Variants in JAKMIP3 observed in about 807,000 individuals in gnomAD.
JAKMIP3 encodes the protein Janus kinase and microtubule interacting protein 3, also known as janus kinase and microtubule-interacting protein 3.
JAKMIP3 carries 58 observed loss-of-function variants against 118.5 expected under a neutral mutation model. That is an observed-to-expected ratio of 0.49 (90% confidence interval 0.40 to 0.61). The LOEUF (loss-of-function observed/expected upper bound fraction) is 0.61, where lower values mean the gene tolerates loss of function less well. Ranked by LOEUF, JAKMIP3 falls within the 20% of genes least tolerant of loss-of-function variation. The pLI, the probability that JAKMIP3 is intolerant of heterozygous loss-of-function variation, is 0.00. For missense variants in JAKMIP3, 950 were observed against 1,109.0 expected (o/e 0.86, Z 2.04); for synonymous variants, 486 against 451.2 (o/e 1.08, Z -0.98).
At chr10:132,097,931 C>CTTTTCT (rs1226577581) in intron 1 of JAKMIP3, among the ~76,000 whole-genome samples, 3 of 67,790 alleles carry the variant, frequency 4.4e-5, no homozygotes, top group Non-Finnish European at 6.5e-5. Flanking sequence ...TTTCCTTCCC[C>CTTTTCT]TTCCCCTTTC....
Position 132,168,408 on chromosome 10 carries a change from C to G in JAKMIP3, c.*478C>G. The G allele has an allele frequency of 1.6e-6, 2 of 1,289,064 alleles. No individual in the cohort carries two copies. Among genetic ancestry groups the G allele is most frequent in the East Asian group, 5.6e-5 (1 of 18,016 alleles). The allele number at this position is 1,289,064 out of a possible 1,614,324, so 79.9% of individuals were successfully genotyped here. On this transcript the variant is annotated 3_prime_UTR_variant, in exon 23 of 24. Coordinates refer to ENST00000684848, the MANE Select transcript of JAKMIP3 (RefSeq NM_001323087.2). ...GCTTGGCCTGATGACAAGATGAAAG[C>G]TGGACGGTGACCTTCATTCAGGGGA...
chr10:132,176,917 C>T (rs1442610895), intron 23 of JAKMIP3, among the ~76,000 whole-genome samples: 1 of 152,172 alleles, frequency 6.6e-6, no homozygotes, highest in Admixed American at 6.5e-5. Flanking sequence ...GAGATGATGC[C>T]AACCTCTTTT....
Position 132,167,986 on chromosome 10 carries a change from G to C in JAKMIP3, c.*56G>C. On this transcript the variant is annotated 3_prime_UTR_variant, in exon 23 of 24. Transcript: ENST00000684848. ...TGAATCGGACCCTTTTCCTCCAGTG[G>C]GACCAGAAAGCAGGGACAAAATGGG... The C allele has an allele frequency of 7.8e-7, 1 of 1,289,564 alleles. No homozygotes were observed. The highest frequency in any genetic ancestry group is 1.0e-6 in the Non-Finnish European group (1 of 988,864). 79.9% of individuals were successfully genotyped at this position (1,289,564 alleles called of 1,614,324 possible).
Position 132,166,110 on chromosome 10 carries a change from G to A in JAKMIP3, c.2491-873G>A, listed in dbSNP as rs190458519. Among the ~76,000 whole-genome samples, 367 of 152,314 alleles carry A rather than the reference G, an allele frequency of 2.4e-3. 2 individuals are homozygous for A. The highest frequency in any genetic ancestry group is 8.5e-3 in the African/African-American group (352 of 41,564). ...AGGCCTAGATGGGAGGATCGCTTGA[G>A]CCCAGGATTTCAAGACCAGCCTGGG... On this transcript the variant is annotated intron_variant, in intron 21 of 23. Transcript: ENST00000684848.
At chr10:132,160,523 G>GGGGGCCTCTCCCTGTGTGATGCTGA (rs2058038425) in intron 19 of JAKMIP3, among the ~76,000 whole-genome samples, 1 of 14,722 alleles carries the variant, frequency 6.8e-5, no homozygotes, top group Non-Finnish European at 1.2e-4. Flanking sequence ...TGTGATGCTG[G>GGGGGCCTCTCCCTGTGTGATGCTGA]GGGGGCCTCT....
rs138844536 is a variant in JAKMIP3, at chr10:132,073,595, C to T, written c.-138+7534C>T. Among the ~76,000 whole-genome samples the T allele has an allele frequency of 9.2e-5, 14 of 151,504 alleles. No homozygotes were observed. In the East Asian group the frequency reaches 2.5e-3, roughly 27 times the overall value. ...CACTTCAGCCTTGACCTCCCGGGCT[C>T]AAGCGATTCTCCTACCTCAGCCTTC... On this transcript the variant is annotated intron_variant, in intron 1 of 23. Coordinates refer to ENST00000684848, the MANE Select transcript of JAKMIP3 (RefSeq NM_001323087.2).
At chr10:132,094,343 A>G (rs1479772874) in intron 1 of JAKMIP3, among the ~76,000 whole-genome samples, 1 of 152,036 alleles carries the variant, frequency 6.6e-6, no homozygotes, top group Non-Finnish European at 1.5e-5. Context: ...TTGTTTTGTC[A>G]TATTACCAGA....
chr10:132,167,895 C>T (rs1461060585), intron 22 of JAKMIP3, 58 bp from the exon 23 acceptor site: 1 of 1,257,676 alleles, frequency 8.0e-7, no homozygotes. Context: ...GCCCTCGCCC[C>T]TCACTCCAGC....
At chr10:132,181,911 C>T (rs1192811079) in intron 23 of JAKMIP3, among the ~76,000 whole-genome samples, 2 of 152,224 alleles carry the variant, frequency 1.3e-5, no homozygotes, top group Admixed American at 1.3e-4. Flanking sequence ...GGGACTGATC[C>T]GGGGCCCGCC....
chr10:132,178,596 G>C (rs1336170303), intron 23 of JAKMIP3, among the ~76,000 whole-genome samples: 2 of 152,192 alleles, frequency 1.3e-5, no homozygotes, highest in African/African-American at 4.8e-5. Context: ...TGTATTTGTG[G>C]GGCGGTGTTG....
chr10:132,091,794 G>A (rs1327388572), intron 1 of JAKMIP3, among the ~76,000 whole-genome samples: 2 of 152,148 alleles, frequency 1.3e-5, no homozygotes, highest in East Asian at 1.9e-4. Flanking sequence ...ATTGTTATGT[G>A]TGAATTTGAT....
At chr10:132,121,631 G>A (rs1054088805) in intron 3 of JAKMIP3, among the ~76,000 whole-genome samples, 1 of 152,214 alleles carries the variant, frequency 6.6e-6, no homozygotes, top group East Asian at 1.9e-4. Flanking sequence ...CCCCAGGTGT[G>A]GGCACATTGC....
At chr10:132,053,901 G>C (rs2038162705) in intron 1 of JAKMIP3, among the ~76,000 whole-genome samples, 1 of 152,100 alleles carries the variant, frequency 6.6e-6, no homozygotes, top group Admixed American at 6.5e-5. Context: ...GCCGGGCATG[G>C]TGGTGGGCAC....
chr10:132,120,997 G>C (rs1478549728), intron 3 of JAKMIP3, among the ~76,000 whole-genome samples: 1 of 152,220 alleles, frequency 6.6e-6, no homozygotes. Context: ...GCTTCATGAG[G>C]ATGGGGAAGT....
intron 1 of JAKMIP3, among the ~76,000 whole-genome samples, chr10:132,053,859 C>G (rs1358571834): frequency 2.0e-5 from 3 of 151,892 alleles, no homozygotes; most frequent in African/African-American, 7.3e-5. Flanking sequence ...ATGATGAAAC[C>G]CTGTCTCTAC....
At chr10:132,173,420 C>T (rs572676871) in intron 23 of JAKMIP3, among the ~76,000 whole-genome samples, 6 of 151,494 alleles carry the variant, frequency 4.0e-5, no homozygotes, top group Non-Finnish European at 5.9e-5. Flanking sequence ...CCCATGTTGC[C>T]TCAGGATTGC....
At chr10:132,059,984 G>A (rs567654275), upstream of JAKMIP3, among the ~76,000 whole-genome samples, 1 of 152,324 alleles carries the variant, frequency 6.6e-6, no homozygotes, top group South Asian at 2.1e-4. Context: ...AGGCCATGCT[G>A]TCCCTGGGAG....
chr10:132,134,699 C>G (rs1304923035), intron 4 of JAKMIP3, among the ~76,000 whole-genome samples: 1 of 152,276 alleles, frequency 6.6e-6, no homozygotes, highest in African/African-American at 2.4e-5. Context: ...GCATCACCCA[C>G]ACTCGCGGTT....
intron 19 of JAKMIP3, among the ~76,000 whole-genome samples, chr10:132,159,616 GGGGGTCCTCTTCCTTTGTGATGCT>G (rs2057682842): frequency 3.4e-5 from 4 of 117,498 alleles, no homozygotes; most frequent in Admixed American, 1.7e-4. Context: ...ATGTGATGCT[GGGGGTCCTCTTCCTTTGTGATGCT>G]GGGGGGCCTC....
Sources: gnomAD v4.1 joint callset for allele counts (sites outside exome capture counted in the v4.1 genomes callset) on GRCh38, gnomAD v4.1.1 for gene constraint, MANE v1.5 for transcripts, NCBI Gene and HGNC (gene_info 2026-07-23, HGNC 2026-07-21) for gene names.